The following MTUS1 variants were observed in gnomAD, a reference collection of about 807,000 sequenced individuals.
The protein encoded by MTUS1 is microtubule associated scaffold protein 1.
MTUS1 carries 109 observed loss-of-function variants against 120.8 expected under a neutral mutation model. That is an observed-to-expected ratio of 0.90 (90% CI 0.77 to 1.06). The LOEUF (loss-of-function observed/expected upper bound fraction) is 1.06, where lower values mean the gene tolerates loss of function less well. Ranked by LOEUF, MTUS1 falls within the 50% of genes least tolerant of loss-of-function variation. The pLI, the probability that MTUS1 is intolerant of heterozygous loss-of-function variation, is 0.00. For missense variants in MTUS1, 2,210 were observed against 1,486.3 expected, an observed-to-expected ratio of 1.49 and a Z score of -8.01; for synonymous variants, 737 against 550.5, an observed-to-expected ratio of 1.34 and a Z score of -4.74.
At chr8:17,782,482 T>C (rs1374775548) in intron 1 of MTUS1, among the ~76,000 whole-genome samples, 5 of 152,198 alleles carry the variant, frequency 3.3e-5, no homozygotes, top group Non-Finnish European at 7.4e-5. Flanking sequence ...AAATTCAAGA[T>C]AAATATTTGA....
intron 9 of MTUS1, among the ~76,000 whole-genome samples, chr8:17,655,453 C>T (rs796846479): frequency 2.2e-4 from 33 of 152,234 alleles, no homozygotes; most frequent in African/African-American, 7.5e-4. Flanking sequence ...TTCCTTTGGT[C>T]ATAAGAAAAC....
intron 3 of MTUS1, among the ~76,000 whole-genome samples, chr8:17,728,217 T>A (rs1418932073): frequency 6.6e-6 from 1 of 152,180 alleles, no homozygotes; most frequent in Non-Finnish European, 1.5e-5. Flanking sequence ...CCTACAGATG[T>A]GCTGCACAAC....
chr8:17,674,696 A>G (rs1362755008), intron 8 of MTUS1: 5 of 987,664 alleles, frequency 5.1e-6, no homozygotes, highest in African/African-American at 3.5e-5. Flanking sequence ...GCCCCCCTCC[A>G]AATAGTAAGA....
chr8:17,740,789 G>A (rs1176370156), intron 3 of MTUS1, among the ~76,000 whole-genome samples: 1 of 152,280 alleles, frequency 6.6e-6, no homozygotes, highest in Admixed American at 6.5e-5. Context: ...CTGCTTCCCA[G>A]CAAGGGCCCT....
chr8:17,774,462 G>A (rs28593230), intron 1 of MTUS1, among the ~76,000 whole-genome samples: 7,948 of 152,250 alleles, frequency 0.052, 354 homozygotes, highest in African/African-American at 0.13. Flanking sequence ...AAAAGGAAGC[G>A]GAGGTGATGC....
chr8:17,664,130 G>A (rs1029877476), intron 8 of MTUS1: 2 of 152,142 alleles, frequency 1.3e-5, no homozygotes, highest in African/African-American at 4.8e-5. Context: ...AGCATTGCTG[G>A]CCTCGTATTC....
At chr8:17,784,668 T>C (rs573884817) in intron 1 of MTUS1, among the ~76,000 whole-genome samples, 1 of 152,318 alleles carries the variant, frequency 6.6e-6, no homozygotes, top group African/African-American at 2.4e-5. Flanking sequence ...GAGGAATGTA[T>C]ACAATAGCAT....
At chr8:17,794,577 C>G (rs2052066962) in intron 1 of MTUS1, among the ~76,000 whole-genome samples, 1 of 152,162 alleles carries the variant, frequency 6.6e-6, no homozygotes, top group Admixed American at 6.5e-5. Flanking sequence ...TCCTTCTACC[C>G]TATCCTGACC....
intron 6 of MTUS1, among the ~76,000 whole-genome samples, chr8:17,704,602 G>C (rs1819770612): frequency 6.6e-6 from 1 of 152,102 alleles, no homozygotes; most frequent in Admixed American, 6.5e-5. Flanking sequence ...TTTATTTCTA[G>C]ACTATTTTAT....
At chr8:17,764,805 G>A (rs538918297) in intron 1 of MTUS1, among the ~76,000 whole-genome samples, 1 of 152,198 alleles carries the variant, frequency 6.6e-6, no homozygotes, top group African/African-American at 2.4e-5. Flanking sequence ...CCCTGAACTA[G>A]TCTATGCCCT....
At chr8:17,798,952 C>A (rs1767432629) in intron 1 of MTUS1, among the ~76,000 whole-genome samples, 2 of 151,982 alleles carry the variant, frequency 1.3e-5, no homozygotes, top group African/African-American at 2.4e-5. Context: ...TTCAAATCAT[C>A]TGTAATCAAA....
At position 17,743,782 on chromosome 8, in the gene MTUS1, T is replaced by C. The variant is rs1481862695; in HGVS notation, c.2109A>G (p.Thr703=). The C allele has an allele frequency of 6.2e-7, 1 of 1,613,928 alleles. No individual in the cohort carries two copies. Among genetic ancestry groups the C allele is most frequent in the South Asian group, 1.1e-5 (1 of 91,058 alleles). ...ATATATTCCTACCTGAGGTGGTCGT[T>C]GTTTTTGAAGCAGAGCCCTGTGAAA... ...GSLFLGSASK[T]TTTSGRNISK... Residue 703 remains threonine, a synonymous_variant, in exon 3 of 15, where the codon ACA becomes ACG. Transcript: ENST00000693296.
At chr8:17,652,414 A>T (rs897528112) in intron 12 of MTUS1, among the ~76,000 whole-genome samples, 3 of 152,096 alleles carry the variant, frequency 2.0e-5, no homozygotes, top group Non-Finnish European at 4.4e-5. Flanking sequence ...TCTACAATCA[A>T]CCTTTTCTAT....
intron 4 of MTUS1, among the ~76,000 whole-genome samples, chr8:17,718,891 T>A (rs970970809): frequency 6.6e-6 from 1 of 151,916 alleles, no homozygotes; most frequent in African/African-American, 2.4e-5. Context: ...CTTCTCATGC[T>A]GGGCACAGTG....
chr8:17,787,782 C>G lies in MTUS1; in HGVS notation c.-155+13279G>C, dbSNP rs551000054. On this transcript the variant is annotated intron_variant, in intron 1 of 14. Transcript: ENST00000693296. ...TTGTAAAACAAGCCTTATTATCATC[C>G]TCACTTTTCTGATGACCAAAGCTCA... Among the ~76,000 whole-genome samples, 5 of 152,314 alleles carry G rather than the reference C, an allele frequency of 3.3e-5. No homozygotes were observed. The South Asian group carries it at 1.0e-3, about 32-fold the overall frequency.
In MTUS1 at chr8:17,754,378, G is replaced by C. The variant is rs375335038; in HGVS notation, c.1430C>G (p.Pro477Arg). The C allele has an allele frequency of 3.3e-5, 54 of 1,613,938 alleles. No homozygotes were observed. Among genetic ancestry groups the C allele is most frequent in the Non-Finnish European group, 4.2e-5 (50 of 1,180,018 alleles). The change falls in exon 2 of 15, where the codon CCC (proline) becomes CGC (arginine). Residue 477 changes from proline (P) to arginine (R), a missense_variant. By Grantham distance (103) the Pro-to-Arg change is moderately radical. Coordinates refer to ENST00000693296, the MANE Select transcript of MTUS1 (RefSeq NM_001363059.2). Reference protein sequence around the residue: ...SKEAPVNLCKPSLGKSTIKTN... With the variant: ...SKEAPVNLCKRSLGKSTIKTN... ...TTTGATTGTTGATTTTCCTAAACTG[G>C]GTTTACACAGGTTCACAGGTGCCTC... is the stretch of plus-strand genomic sequence containing the variant.
intron 8 of MTUS1, among the ~76,000 whole-genome samples, chr8:17,669,395 G>C (rs926385455): frequency 1.3e-5 from 2 of 152,194 alleles, no homozygotes; most frequent in African/African-American, 4.8e-5. Context: ...CATGGCCGGG[G>C]CCTGGGAGGG....
chr8:17,719,734 C>G (rs986605008), intron 4 of MTUS1, among the ~76,000 whole-genome samples: 5 of 152,216 alleles, frequency 3.3e-5, no homozygotes, highest in Middle Eastern at 3.4e-3. Context: ...GTGTTGGCCA[C>G]TAACCAGTGT....
intron 9 of MTUS1, among the ~76,000 whole-genome samples, chr8:17,655,513 T>G (rs2130250022): frequency 6.6e-6 from 1 of 152,198 alleles, no homozygotes; most frequent in African/African-American, 2.4e-5. Context: ...CACCTGAGGT[T>G]GGGAGTTTGA....
Sources: allele counts gnomAD v4.1 joint callset (sites outside exome capture counted in the v4.1 genomes callset), GRCh38; gene constraint gnomAD v4.1.1; transcripts MANE v1.5; gene names NCBI Gene and HGNC (gene_info 2026-07-23, HGNC 2026-07-21).